The following GABRB1 variants were observed in gnomAD, a reference collection of about 807,000 sequenced individuals.
GABRB1 encodes the protein gamma-aminobutyric acid type A receptor subunit beta1.
A neutral mutation model predicts 51.6 loss-of-function variants in GABRB1; 17 were observed. The observed-to-expected ratio is 0.33, with a 90% CI of 0.23 to 0.49. The LOEUF is 0.49. GABRB1 is among the 20% of genes least tolerant of loss of function. The pLI, the probability that GABRB1 is intolerant of heterozygous loss-of-function variation, is 0.99. For synonymous variants in GABRB1, 247 were observed against 218.9 expected, an observed-to-expected ratio of 1.13 and a Z score of -1.14; for missense variants, 410 against 600.6, an observed-to-expected ratio of 0.68 and a Z score of 3.32.
At chr4:47,298,024 T>C (rs1357993992) in intron 4 of GABRB1, among the ~76,000 whole-genome samples, 2 of 152,174 alleles carry the variant, frequency 1.3e-5, no homozygotes, top group African/African-American at 2.4e-5. Context: ...GAAAAGGCCT[T>C]TGACAAAATT....
chr4:47,183,368 A>G (rs1258975404), intron 4 of GABRB1, among the ~76,000 whole-genome samples: 1 of 146,438 alleles, frequency 6.8e-6, no homozygotes, highest in African/African-American at 2.5e-5. Context: ...ATATATATAT[A>G]TATATATATA....
intron 4 of GABRB1, among the ~76,000 whole-genome samples, chr4:47,231,021 TA>T (rs1424152105): frequency 1.3e-5 from 2 of 152,258 alleles, no homozygotes; most frequent in African/African-American, 4.8e-5. Flanking sequence ...CTACACCTAC[TA>T]GTTCAGTAAG....
intron 5 of GABRB1, among the ~76,000 whole-genome samples, chr4:47,401,801 C>T (rs1028013012): frequency 1.5e-5 from 1 of 67,170 alleles, no homozygotes; most frequent in South Asian, 3.7e-4. Flanking sequence ...CATCAAATTC[C>T]ATCTATCTAT....
chr4:47,070,722 T>C (rs550593137), intron 3 of GABRB1, among the ~76,000 whole-genome samples: 11 of 152,292 alleles, frequency 7.2e-5, no homozygotes, highest in African/African-American at 2.2e-4. Flanking sequence ...CCTTCTCAGC[T>C]TCCTTTGCTG....
At chr4:47,045,016 A>T (rs892109150) in intron 3 of GABRB1, among the ~76,000 whole-genome samples, 18 of 152,092 alleles carry the variant, frequency 1.2e-4, no homozygotes, top group Non-Finnish European at 1.3e-4. Context: ...TATGAGGAGG[A>T]AATAAAATGT....
intron 3 of GABRB1, among the ~76,000 whole-genome samples, chr4:47,107,143 A>G (rs566930924): frequency 1.9e-4 from 29 of 152,266 alleles, no homozygotes; most frequent in Admixed American, 3.9e-4. Flanking sequence ...CAGCCATTGA[A>G]TGAACCCCAC....
chr4:47,025,858 T>C (rs541094776), intron 1 of GABRB1, among the ~76,000 whole-genome samples: 25 of 152,102 alleles, frequency 1.6e-4, no homozygotes, highest in African/African-American at 2.6e-4. Context: ...ATAATTTTGT[T>C]CAATTCTGCC....
intron 3 of GABRB1, among the ~76,000 whole-genome samples, chr4:47,045,198 C>G (rs986766651): frequency 3.9e-5 from 6 of 152,006 alleles, no homozygotes; most frequent in Non-Finnish European, 8.8e-5. Flanking sequence ...AAAATGGGCA[C>G]TATTAATAAT....
intron 1 of GABRB1, among the ~76,000 whole-genome samples, chr4:47,016,378 C>T (rs1360431065): frequency 1.3e-5 from 2 of 151,904 alleles, no homozygotes; most frequent in Middle Eastern, 3.2e-3. Context: ...AAGATTTTTC[C>T]GTCTCTTTTA....
chr4:47,107,540 C>T (rs1715019214), intron 3 of GABRB1, among the ~76,000 whole-genome samples: 1 of 152,008 alleles, frequency 6.6e-6, no homozygotes. Flanking sequence ...CTGCTACTTT[C>T]TATATGTGTG....
intron 4 of GABRB1, among the ~76,000 whole-genome samples, chr4:47,237,676 T>C (rs947725190): frequency 2.6e-5 from 4 of 152,018 alleles, no homozygotes; most frequent in Non-Finnish European, 5.9e-5. Flanking sequence ...TATATTAGTA[T>C]ATGAATGCAT....
At chr4:47,196,714 C>T (rs182830882) in intron 4 of GABRB1, among the ~76,000 whole-genome samples, 9 of 152,254 alleles carry the variant, frequency 5.9e-5, no homozygotes, top group Admixed American at 5.2e-4. Flanking sequence ...AAATCAAAGT[C>T]TGGGTATTGG....
chr4:47,359,710 C>T (rs191824360), intron 5 of GABRB1, among the ~76,000 whole-genome samples: 556 of 152,196 alleles, frequency 3.7e-3, no homozygotes, highest in Non-Finnish European at 6.0e-3. Context: ...GTAAGCCTAG[C>T]TCTCAAGTCC....
At chr4:47,025,316 G>A (rs188882933) in intron 1 of GABRB1, among the ~76,000 whole-genome samples, 118 of 151,818 alleles carry the variant, frequency 7.8e-4, no homozygotes, top group Non-Finnish European at 1.4e-3. Context: ...TTTAGGAATC[G>A]CCACACTGTT....
chr4:47,023,147 G>A (rs1440388296), intron 1 of GABRB1, among the ~76,000 whole-genome samples: 2 of 151,998 alleles, frequency 1.3e-5, no homozygotes, highest in Non-Finnish European at 2.9e-5. Flanking sequence ...CATGGACATA[G>A]AGAGTAGAAG....
chr4:47,042,819 C>T (rs1725916505), intron 3 of GABRB1, among the ~76,000 whole-genome samples: 1 of 151,774 alleles, frequency 6.6e-6, no homozygotes, highest in African/African-American at 2.4e-5. Flanking sequence ...ATATATCTAT[C>T]CACATCCATT....
Position 47,235,515 on chromosome 4 carries a change from C to A in GABRB1, c.461+74046C>A, listed in dbSNP as rs1388470038. On this transcript the variant is annotated intron_variant, in intron 4 of 8. Coordinates refer to ENST00000295454, the MANE Select transcript of GABRB1 (RefSeq NM_000812.4). The stretch of plus-strand genomic sequence containing the variant: ...AGTGAGCCGAGATCCTGCCATTGCA[C>A]TCCAGCCTGGTGACAGAGTGAGACT... 2.0e-5 allele frequency among the ~76,000 whole-genome samples: 3 copies of A among 151,508 alleles called. No homozygotes were observed. In the East Asian group the frequency reaches 5.8e-4, roughly 29 times the overall value.
At chr4:47,393,938 G>A (rs1034597664) in intron 5 of GABRB1, among the ~76,000 whole-genome samples, 2 of 152,220 alleles carry the variant, frequency 1.3e-5, no homozygotes, top group African/African-American at 4.8e-5. Flanking sequence ...CCATTGATTT[G>A]CTTGCCAGTT....
intron 4 of GABRB1, among the ~76,000 whole-genome samples, chr4:47,194,183 C>T (rs749373253): frequency 1.3e-5 from 2 of 152,202 alleles, no homozygotes; most frequent in African/African-American, 4.8e-5. Context: ...ATAAGTTCAA[C>T]GGTATGGAAT....
Sources: allele counts gnomAD v4.1 joint callset (sites outside exome capture counted in the v4.1 genomes callset), GRCh38; gene constraint gnomAD v4.1.1; transcripts MANE v1.5; gene names NCBI Gene and HGNC (gene_info 2026-07-23, HGNC 2026-07-21).